The following DPYD variants were observed in gnomAD, a reference collection of about 807,000 sequenced individuals.
DPYD encodes the protein dihydropyrimidine dehydrogenase.
A neutral mutation model predicts 116.2 loss-of-function variants in DPYD; 109 were observed. The ratio of observed to expected loss-of-function variants is 0.94; its 90% CI spans 0.80 to 1.10. The LOEUF (loss-of-function observed/expected upper bound fraction) is 1.10. DPYD is among the 50% of genes least tolerant of loss of function. The probability of loss-of-function intolerance (pLI) is 0.00; values close to 1 mark genes in which losing one functional copy is unlikely to be tolerated. For synonymous variants in DPYD, 440 were observed against 432.0 expected (o/e 1.02, Z -0.23); for missense variants, 1,302 against 1,254.5 (o/e 1.04, Z -0.57).
intron 13 of DPYD, among the ~76,000 whole-genome samples, chr1:97,480,584 G>A (rs547331296): frequency 2.4e-4 from 36 of 152,302 alleles, no homozygotes; most frequent in African/African-American, 7.7e-4. Context: ...GTGAAAAGAC[G>A]AGGCAGGGAA....
intron 12 of DPYD, chr1:97,545,999 G>A (rs1650824191): frequency 3.0e-6 from 4 of 1,351,002 alleles, no homozygotes; most frequent in African/African-American, 1.4e-5. Flanking sequence ...CTGTCCTTGG[G>A]AGTTTTCCAT....
At chr1:97,392,140 A>G (rs1672741664) in intron 14 of DPYD, among the ~76,000 whole-genome samples, 1 of 152,066 alleles carries the variant, frequency 6.6e-6, no homozygotes, top group African/African-American at 2.4e-5. Context: ...TTGATTCCAG[A>G]TGACAGCACT....
At chr1:97,734,571 C>T (rs1663817634) in intron 4 of DPYD, among the ~76,000 whole-genome samples, 1 of 152,134 alleles carries the variant, frequency 6.6e-6, no homozygotes, top group African/African-American at 2.4e-5. Flanking sequence ...AGACTATCCA[C>T]TCATTGTTAA....
chr1:97,751,802 G>A (rs1017081048), intron 3 of DPYD, among the ~76,000 whole-genome samples: 42 of 148,772 alleles, frequency 2.8e-4, no homozygotes, highest in Non-Finnish European at 4.9e-4. Flanking sequence ...AGTTTCTGTC[G>A]CCCTGACTGG....
intron 2 of DPYD, among the ~76,000 whole-genome samples, chr1:97,881,228 A>T (rs1672203436): frequency 6.6e-6 from 1 of 152,016 alleles, no homozygotes; most frequent in Non-Finnish European, 1.5e-5. Context: ...TTATTAGGGT[A>T]TGTCCTAATC....
chr1:97,239,267 T>G (rs1472298180), intron 18 of DPYD, among the ~76,000 whole-genome samples: 1 of 152,200 alleles, frequency 6.6e-6, no homozygotes, highest in Non-Finnish European at 1.5e-5. Context: ...ATCAATCTGA[T>G]TTTGATGAAA....
chr1:97,323,416 GTA>G (rs1179519587), intron 16 of DPYD, among the ~76,000 whole-genome samples: 44 of 81,610 alleles, frequency 5.4e-4, no homozygotes, highest in South Asian at 2.5e-3. Flanking sequence ...ATATGTACAC[GTA>G]TATATACATA....
intron 20 of DPYD, among the ~76,000 whole-genome samples, chr1:97,168,148 A>G (rs1361643779): frequency 6.6e-6 from 1 of 152,190 alleles, no homozygotes; most frequent in African/African-American, 2.4e-5. Context: ...GATATTCTCC[A>G]AACAAGTTAA....
In DPYD at chr1:97,525,195, G is replaced by A. The variant is rs577670684; in HGVS notation, c.1525-9254C>T. Among the ~76,000 whole-genome samples, 86 of 152,028 alleles carry A rather than the reference G, an allele frequency of 5.7e-4. 1 individual carries two copies. The highest frequency in any genetic ancestry group is 2.0e-3 in the African/African-American group (81 of 41,460). ...CCTTTGCTTCATGTCTCAGTCTTTC[G>A]CAGCACAGGAATCACAGTAGGCTGA... On this transcript the variant is annotated intron_variant, in intron 12 of 22. Coordinates refer to ENST00000370192, the MANE Select transcript of DPYD (RefSeq NM_000110.4).
intron 12 of DPYD, among the ~76,000 whole-genome samples, chr1:97,527,235 C>A (rs190310090): frequency 2.0e-5 from 3 of 151,960 alleles, no homozygotes; most frequent in Non-Finnish European, 4.4e-5. Flanking sequence ...CCTGCCACCA[C>A]GCCCAGCTAA....
At chr1:97,121,945 G>A (rs996197945) in intron 20 of DPYD, among the ~76,000 whole-genome samples, 1 of 152,108 alleles carries the variant, frequency 6.6e-6, no homozygotes, top group Non-Finnish European at 1.5e-5. Context: ...TATGATCTAG[G>A]GAAGTTTACA....
chr1:97,844,790 G>A (rs1252718336), intron 2 of DPYD, among the ~76,000 whole-genome samples: 1 of 152,208 alleles, frequency 6.6e-6, no homozygotes, highest in African/African-American at 2.4e-5. Flanking sequence ...GGGCAACCCT[G>A]CCTTCTCAGG....
At chr1:97,890,767 C>T (rs1033257426) in intron 1 of DPYD, among the ~76,000 whole-genome samples, 2 of 151,834 alleles carry the variant, frequency 1.3e-5, no homozygotes, top group African/African-American at 4.8e-5. Context: ...AGAAAGATGG[C>T]TGCATTTATT....
At chr1:97,747,115 C>A (rs1489797723) in intron 3 of DPYD, among the ~76,000 whole-genome samples, 2 of 151,368 alleles carry the variant, frequency 1.3e-5, no homozygotes, top group East Asian at 3.8e-4. Flanking sequence ...ATTCTTAAAA[C>A]TGAACAAAAA....
chr1:97,306,677 CA>C (rs1358944778), intron 16 of DPYD, among the ~76,000 whole-genome samples: 2 of 151,846 alleles, frequency 1.3e-5, no homozygotes, highest in Non-Finnish European at 2.9e-5. Flanking sequence ...TTGGTTTAAG[CA>C]AAATAAAAAA....
At chr1:97,870,523 AT>A (rs1671603037) in intron 2 of DPYD, among the ~76,000 whole-genome samples, 1 of 151,690 alleles carries the variant, frequency 6.6e-6, no homozygotes, top group Non-Finnish European at 1.5e-5. Context: ...TTCTCATGCT[AT>A]TTCTCTGTGG....
intron 19 of DPYD, among the ~76,000 whole-genome samples, chr1:97,230,702 TA>T (rs1024143816): frequency 7.2e-5 from 11 of 152,128 alleles, no homozygotes; most frequent in African/African-American, 2.7e-4. Context: ...AAATGAGAGC[TA>T]AAAGGCTGCA....
chr1:97,393,565 T>C (rs1198750955), intron 14 of DPYD, among the ~76,000 whole-genome samples: 6 of 152,020 alleles, frequency 3.9e-5, no homozygotes, highest in Non-Finnish European at 7.4e-5. Flanking sequence ...GTCCTTGGGA[T>C]AGTTTGCTCA....
intron 2 of DPYD, among the ~76,000 whole-genome samples, chr1:97,831,333 C>T (rs1018224357): frequency 3.3e-5 from 5 of 152,174 alleles, no homozygotes; most frequent in Non-Finnish European, 5.9e-5. Flanking sequence ...AACAGATTCA[C>T]TGTCACGTTT....
Sources: allele counts gnomAD v4.1 joint callset (sites outside exome capture counted in the v4.1 genomes callset), GRCh38; gene constraint gnomAD v4.1.1; transcripts MANE v1.5; gene names NCBI Gene and HGNC (gene_info 2026-07-23, HGNC 2026-07-21).